Variants in AP3B1 observed in about 807,000 individuals in gnomAD.
AP3B1 encodes adaptor related protein complex 3 subunit beta 1.
A neutral mutation model predicts 132.5 loss-of-function variants in AP3B1; 61 were observed. The observed-to-expected ratio is 0.46, with a 90% confidence interval of 0.37 to 0.57. The LOEUF (loss-of-function observed/expected upper bound fraction) is 0.57. Ranked by LOEUF, AP3B1 falls within the 20% of genes least tolerant of loss-of-function variation. AP3B1 has a pLI of 0.00. For synonymous variants in AP3B1, 388 were observed against 438.3 expected (o/e 0.89, Z 1.43); for missense variants, 1,120 against 1,289.4 (o/e 0.87, Z 2.01).
intron 7 of AP3B1, among the ~76,000 whole-genome samples, chr5:78,191,248 C>T (rs2112432854): frequency 6.7e-6 from 1 of 149,332 alleles, no homozygotes; most frequent in South Asian, 2.1e-4. Context: ...TGTTAGAAGG[C>T]ACTGGAGGGC....
At chr5:78,214,648 A>G (rs1745882176) in intron 7 of AP3B1, among the ~76,000 whole-genome samples, 1 of 152,216 alleles carries the variant, frequency 6.6e-6, no homozygotes, top group African/African-American at 2.4e-5. Context: ...ATTGGCTGAA[A>G]TCAAACAAAT....
At chr5:78,197,371 T>C (rs552282298) in intron 7 of AP3B1, among the ~76,000 whole-genome samples, 1 of 152,262 alleles carries the variant, frequency 6.6e-6, no homozygotes, top group East Asian at 1.9e-4. Flanking sequence ...ACATTACATA[T>C]AAGCTTTATG....
At chr5:78,165,766 A>G (rs1743590706) in intron 11 of AP3B1, 94 bp from the exon 12 acceptor site, 2 of 941,018 alleles carry the variant, frequency 2.1e-6, no homozygotes, top group Non-Finnish European at 3.4e-6. Context: ...GTTTATTTCT[A>G]CTTTTAAAAA....
chr5:78,258,966 G>A (rs1000516460), intron 2 of AP3B1, among the ~76,000 whole-genome samples: 59 of 152,290 alleles, frequency 3.9e-4, no homozygotes, highest in African/African-American at 1.3e-3. Context: ...GGCCGGGCAC[G>A]GTGGCTCATG....
chr5:78,209,294 T>A (rs146996353), intron 7 of AP3B1, among the ~76,000 whole-genome samples: 1 of 152,264 alleles, frequency 6.6e-6, no homozygotes, highest in East Asian at 1.9e-4. Context: ...AACATCAACA[T>A]AGACCTTAAG....
intron 6 of AP3B1, among the ~76,000 whole-genome samples, chr5:78,223,500 AAC>A (rs34705945): frequency 0.33 from 50,523 of 151,838 alleles, 8,473 homozygotes; most frequent in Middle Eastern, 0.43. Flanking sequence ...AAATTAATTC[AAC>A]AGTCATTCAA....
At chr5:78,114,600 TTTTAAGTGAAGCATAATTTTTACTA>T (rs1751741902) in intron 18 of AP3B1, among the ~76,000 whole-genome samples, 1 of 152,208 alleles carries the variant, frequency 6.6e-6, no homozygotes, top group Non-Finnish European at 1.5e-5. Context: ...TATGTGTATT[TTTTAAGTGAAGCATAATTTTTACTA>T]TTTAAAATGA....
rs779746641 is a variant in AP3B1, at chr5:78,141,315, G to C, written c.1478C>G (p.Pro493Arg). The change falls in exon 15 of 27, where the codon CCT (proline) becomes CGT (arginine). Residue 493 changes from proline to arginine, a missense_variant. Physicochemically the swap from Pro to Arg is moderately radical, Grantham distance 103 (BLOSUM62 -2). Transcript: ENST00000255194. ...CCAAAGAATACTTGCTCTAGCAACA[G>C]GAACCTAATATGAGAAGCAGATTAC... ...MAKLLDSITV[P>R]VARASILWLI... The C allele has an allele frequency of 1.2e-6, 2 of 1,612,736 alleles. No individual in the cohort carries two copies. Among genetic ancestry groups the C allele is most frequent in the South Asian group, 1.1e-5 (1 of 91,062 alleles).
intron 11 of AP3B1, among the ~76,000 whole-genome samples, chr5:78,173,640 T>A (rs1225441015): frequency 6.6e-6 from 1 of 151,618 alleles, no homozygotes; most frequent in African/African-American, 2.4e-5. Flanking sequence ...CCTATGTGTG[T>A]CCCTGCAGGT....
chr5:78,267,467 G>A lies in AP3B1; in HGVS notation c.204+53C>T, dbSNP rs1748370883. 38 of 941,986 alleles carry A rather than the reference G, an allele frequency of 4.0e-5. No individual in the cohort carries two copies. In the South Asian group the frequency reaches 4.7e-4, roughly 12 times the overall value. The allele number at this position is 941,986 out of a possible 1,614,324, so 58.4% of individuals were successfully genotyped here. ...TTTTTATATATATATATAATAATAT[G>A]ATCACTGCTTGTCCATTTTTCCAAA... On this transcript the variant is annotated intron_variant, in intron 2 of 26. Coordinates refer to ENST00000255194, the MANE Select transcript of AP3B1 (RefSeq NM_003664.5).
At chr5:78,224,008 A>C (rs767550986) in intron 6 of AP3B1, among the ~76,000 whole-genome samples, 15 of 152,142 alleles carry the variant, frequency 9.9e-5, no homozygotes, top group Non-Finnish European at 2.1e-4. Flanking sequence ...CTTCTTGTAG[A>C]TCTTACTACT....
intron 8 of AP3B1, among the ~76,000 whole-genome samples, chr5:78,178,701 C>T (rs940921158): frequency 6.6e-6 from 1 of 152,130 alleles, no homozygotes; most frequent in East Asian, 1.9e-4. Flanking sequence ...AGTGCCTCTA[C>T]ACTCAGATTC....
At chr5:78,015,312 AG>A in intron 26 of AP3B1, 97 bp downstream of exon 26, 2 of 1,232,670 alleles carry the variant, frequency 1.6e-6, no homozygotes, top group South Asian at 1.3e-5. Context: ...ATATATGTTT[AG>A]GGGTTATTAT....
chr5:78,090,156 A>C (rs1481002457), intron 21 of AP3B1, among the ~76,000 whole-genome samples: 1 of 152,222 alleles, frequency 6.6e-6, no homozygotes, highest in East Asian at 1.9e-4. Context: ...AATTAAGTTC[A>C]CAAAGTCCTC....
intron 2 of AP3B1, among the ~76,000 whole-genome samples, chr5:78,265,860 T>C (rs1748299374): frequency 6.6e-6 from 1 of 152,252 alleles, no homozygotes; most frequent in Non-Finnish European, 1.5e-5. Flanking sequence ...TACCTGATTT[T>C]CATTACATGT....
intron 11 of AP3B1, among the ~76,000 whole-genome samples, chr5:78,166,118 CACACA>C (rs1561451821): frequency 0.012 from 3 of 260 alleles, no homozygotes; most frequent in Non-Finnish European, 0.023. Flanking sequence ...GAAACTCTGT[CACACA>C]CACACACACA....
intron 6 of AP3B1, among the ~76,000 whole-genome samples, chr5:78,224,680 G>A (rs923590958): frequency 5.3e-5 from 8 of 151,636 alleles, no homozygotes; most frequent in African/African-American, 1.9e-4. Flanking sequence ...AATGGAAACA[G>A]CAACCATAAA....
chr5:78,144,850 T>C (rs1368330969), intron 14 of AP3B1, among the ~76,000 whole-genome samples: 2 of 121,676 alleles, frequency 1.6e-5, no homozygotes, highest in African/African-American at 5.5e-5. Flanking sequence ...TGTTGTTTTT[T>C]AAAGACAGGG....
At chr5:78,135,999 A>AT (rs139162746) in intron 15 of AP3B1, among the ~76,000 whole-genome samples, 29,287 of 151,410 alleles carry the variant, frequency 0.19, 3,031 homozygotes, top group Admixed American at 0.27. Flanking sequence ...ATTTCTAACC[A>AT]TTTTTTTCTT....
Sources: gnomAD v4.1 joint callset for allele counts (sites outside exome capture counted in the v4.1 genomes callset) on GRCh38, gnomAD v4.1.1 for gene constraint, MANE v1.5 for transcripts, NCBI Gene and HGNC (gene_info 2026-07-23, HGNC 2026-07-21) for gene names.